Variants in PDE8B observed in about 807,000 individuals in gnomAD.
PDE8B encodes the protein high affinity cAMP-specific and IBMX-insensitive 3',5'-cyclic phosphodiesterase 8B.
PDE8B carries 26 observed loss-of-function variants against 101.3 expected under a neutral mutation model. That is an observed-to-expected ratio of 0.26 (90% confidence interval 0.19 to 0.36). The LOEUF is 0.36. Ranked by LOEUF, PDE8B falls within the 10% of genes least tolerant of loss-of-function variation. The pLI, the probability that PDE8B is intolerant of heterozygous loss-of-function variation, is 1.00. For missense variants in PDE8B, 810 were observed against 1,163.1 expected, an observed-to-expected ratio of 0.70 and a Z score of 4.42; for synonymous variants, 424 against 429.3, an observed-to-expected ratio of 0.99 and a Z score of 0.15.
chr5:77,209,403 A>G (rs1350680384), upstream of PDE8B, among the ~76,000 whole-genome samples: 3 of 152,182 alleles, frequency 2.0e-5, no homozygotes, highest in South Asian at 2.1e-4. Context: ...AAAATTGGAT[A>G]CTTCTTTGTG....
At chr5:77,221,864 T>C (rs2149435123) in intron 1 of PDE8B, among the ~76,000 whole-genome samples, 1 of 152,328 alleles carries the variant, frequency 6.6e-6, no homozygotes, top group African/African-American at 2.4e-5. Context: ...GCACTTTTCT[T>C]GAAGAAACAG....
chr5:77,180,435 G>A, the PDE8B span: 1 of 985,264 alleles, frequency 1.0e-6, no homozygotes, highest in Non-Finnish European at 1.2e-6. Context: ...GCGCCCAGGA[G>A]CCGCCCGCCG....
chr5:77,186,484 T>C, the PDE8B span, among the ~76,000 whole-genome samples: 1 of 152,234 alleles, frequency 6.6e-6, no homozygotes, highest in East Asian at 1.9e-4. Context: ...GATGTGTTAA[T>C]ACCTGAGAGT....
At chr5:77,149,549 T>G in the PDE8B span, among the ~76,000 whole-genome samples, 1 of 152,212 alleles carries the variant, frequency 6.6e-6, no homozygotes, top group Non-Finnish European at 1.5e-5. Context: ...TAGTAACGTT[T>G]CACAATTTTT....
the PDE8B span, among the ~76,000 whole-genome samples, chr5:77,152,398 G>A: frequency 1.2e-4 from 18 of 152,318 alleles, no homozygotes; most frequent in African/African-American, 4.3e-4. Flanking sequence ...GCCCAGTGGG[G>A]TGCGCTGATT....
chr5:77,324,663 G>A (rs1054356207), intron 2 of PDE8B, among the ~76,000 whole-genome samples: 10 of 152,144 alleles, frequency 6.6e-5, no homozygotes, highest in Admixed American at 5.9e-4. Flanking sequence ...TCCAGATTCT[G>A]GCAAAGATTG....
the PDE8B span, among the ~76,000 whole-genome samples, chr5:77,143,062 C>T: frequency 1.1e-4 from 17 of 152,026 alleles, no homozygotes; most frequent in African/African-American, 3.1e-4. Context: ...CCTAGGATAT[C>T]GGGAACCAGA....
At chr5:77,311,007 G>A (rs1772469769) in intron 1 of PDE8B, among the ~76,000 whole-genome samples, 3 of 152,158 alleles carry the variant, frequency 2.0e-5, no homozygotes, top group African/African-American at 7.2e-5. Context: ...AGGCTCCCAT[G>A]GCCCTTGGGT....
chr5:77,107,704 G>C, the PDE8B span, among the ~76,000 whole-genome samples: 1 of 152,038 alleles, frequency 6.6e-6, no homozygotes. Flanking sequence ...TATTATCATG[G>C]TCTGGCAATT....
At chr5:77,266,231 TA>T (rs903710839) in intron 1 of PDE8B, among the ~76,000 whole-genome samples, 3 of 152,160 alleles carry the variant, frequency 2.0e-5, no homozygotes, top group African/African-American at 7.2e-5. Context: ...GTGAAAGTGG[TA>T]AAAAAAATTT....
chr5:77,141,212 T>C, the PDE8B span: 271 of 152,318 alleles, frequency 1.8e-3, 1 homozygote, highest in African/African-American at 6.2e-3. Flanking sequence ...TGCTTTAACA[T>C]GCTACCTTGA....
At chr5:77,338,417 CT>C in intron 6 of PDE8B, among the ~76,000 whole-genome samples, 1 of 152,120 alleles carries the variant, frequency 6.6e-6, no homozygotes, top group Non-Finnish European at 1.5e-5. Context: ...TAAACAGTCA[CT>C]TTCTTAGGTA....
chr5:77,321,020 CAATTTTTTTTTTCAGACTCCAAGA>C (rs1774933707), intron 2 of PDE8B, among the ~76,000 whole-genome samples: 1 of 129,166 alleles, frequency 7.7e-6, no homozygotes, highest in East Asian at 2.1e-4. Flanking sequence ...AAGGATAGTG[CAATTTTTTTTTTCAGACTCCAAGA>C]AAGAGTTGAA....
rs114896231 is a variant in PDE8B at position 77,357,834 on chromosome 5, G to C, written c.1167+4428G>C. Reference sequence around the variant, plus strand: ...CTCTTTTATCCACACTCTACCTTCAGTCACCTTCTGTAGGCCTCCAGACAG... The same window carrying C: ...CTCTTTTATCCACACTCTACCTTCACTCACCTTCTGTAGGCCTCCAGACAG... On this transcript the variant is annotated intron_variant, in intron 10 of 21. Coordinates refer to ENST00000264917, the MANE Select transcript of PDE8B (RefSeq NM_003719.5). Among the ~76,000 whole-genome samples the C allele has an allele frequency of 7.8e-3, 1,189 of 152,172 alleles. 14 individuals carry two copies. Among genetic ancestry groups the C allele is most frequent in the Non-Finnish European group, 9.6e-3 (653 of 68,006 alleles).
chr5:77,111,990 C>T, the PDE8B span: 1 of 151,550 alleles, frequency 6.6e-6, no homozygotes. Flanking sequence ...CTGATTACTT[C>T]CATTTAAAAA....
chr5:77,199,560 T>C, the PDE8B span, among the ~76,000 whole-genome samples: 1 of 152,194 alleles, frequency 6.6e-6, no homozygotes, highest in Non-Finnish European at 1.5e-5. Flanking sequence ...CTTAACCTTG[T>C]CTTTTAGATC....
chr5:77,416,751 G>T (rs1795647110), intron 17 of PDE8B, among the ~76,000 whole-genome samples: 1 of 152,142 alleles, frequency 6.6e-6, no homozygotes, highest in Admixed American at 6.5e-5. Flanking sequence ...GGGTGCCGTT[G>T]CAGGACAGGG....
chr5:77,247,911 A>G (rs1757298672), intron 1 of PDE8B, among the ~76,000 whole-genome samples: 1 of 152,138 alleles, frequency 6.6e-6, no homozygotes, highest in African/African-American at 2.4e-5. Flanking sequence ...GTATTCAGTA[A>G]ATGTTTGCTG....
the PDE8B span, chr5:77,134,284 G>A: frequency 0.27 from 41,177 of 152,122 alleles, 6,401 homozygotes; most frequent in African/African-American, 0.43. Context: ...GGTTCTCCAT[G>A]TGGTGCTATG....
Sources: gnomAD v4.1 joint callset for allele counts (sites outside exome capture counted in the v4.1 genomes callset) on GRCh38, gnomAD v4.1.1 for gene constraint, MANE v1.5 for transcripts, NCBI Gene and HGNC (gene_info 2026-07-23, HGNC 2026-07-21) for gene names.